The following SYNE2 variants were observed in gnomAD, a reference collection of about 807,000 sequenced individuals.
SYNE2 encodes the protein spectrin repeat containing nuclear envelope protein 2, also known as nesprin-2.
A neutral mutation model predicts 856.3 loss-of-function variants in SYNE2; 431 were observed. The observed-to-expected ratio is 0.50, with a 90% CI of 0.47 to 0.55. SYNE2 has a LOEUF of 0.55. Ranked by LOEUF, SYNE2 falls within the 20% of genes least tolerant of loss-of-function variation. The pLI, the probability that SYNE2 is intolerant of heterozygous loss-of-function variation, is 0.00. For missense variants in SYNE2, 8,129 were observed against 8,023.2 expected (o/e 1.01, Z -0.50); for synonymous variants, 2,923 against 2,872.3 (o/e 1.02, Z -0.56).
intron 87 of SYNE2, among the ~76,000 whole-genome samples, 165 bp downstream of exon 87, chr14:64,159,607 A>G (rs960509758): frequency 2.6e-5 from 4 of 152,168 alleles, no homozygotes; most frequent in African/African-American, 4.8e-5. Flanking sequence ...GTAAGATTCT[A>G]TGTCATGAGG....
chr14:64,036,817 A>C (rs1381251590), intron 45 of SYNE2, among the ~76,000 whole-genome samples: 33 of 152,200 alleles, frequency 2.2e-4, no homozygotes, highest in Non-Finnish European at 2.9e-5. Flanking sequence ...TCATCTGTAC[A>C]TCTACTCAGT....
intron 113 of SYNE2, among the ~76,000 whole-genome samples, chr14:64,224,128 T>TA (rs1357254359): frequency 8.6e-5 from 12 of 139,526 alleles, no homozygotes; most frequent in Admixed American, 4.6e-4. Flanking sequence ...GTGGATCACT[T>TA]AAGTCCAGGA....
rs1428818552 is a variant in SYNE2 at position 64,053,630 on chromosome 14, G to T, written c.9717G>T (p.Gln3239His). The T allele has an allele frequency of 6.8e-6, 11 of 1,613,238 alleles. No individual in the cohort carries two copies. The highest frequency in any genetic ancestry group is 3.3e-5 in the Admixed American group (2 of 59,898). Residue 3239 changes from glutamine (Q) to histidine (H), a missense_variant, in exon 48 of 116, where the codon CAG becomes CAT. Around this residue, in one of 3 missense-constraint regions of SYNE2, gnomAD observed 5,410 missense variants for 5,284.8 expected, o/e 1.02. Coordinates refer to ENST00000555002, the MANE Select transcript of SYNE2 (RefSeq NM_182914.3). ...GTGAGTTTGAAGATCTTCAGATGCA[G>T]CTTAACACAAGCATTGATTTGCGCA... ...KLREFEDLQM[Q>H]LNTSIDLRTN...
Position 64,080,023 on chromosome 14 carries a change from T to G in SYNE2, c.11164-433T>G, listed in dbSNP as rs553560841. Among the ~76,000 whole-genome samples the G allele has an allele frequency of 2.0e-5, 3 of 152,010 alleles. No individual in the cohort carries two copies. In the East Asian group the frequency reaches 5.8e-4, roughly 29 times the overall value. On this transcript the variant is annotated intron_variant, in intron 55 of 115. Transcript: ENST00000555002. The stretch of plus-strand genomic sequence containing the variant: ...CTTTGTTTTATTTTTTCACTTGAAA[T>G]TATTTTGTAGATTAAGAGAGCGTGT...
At chr14:64,122,651 A>G in intron 70 of SYNE2, 1 of 632,482 alleles carries the variant, frequency 1.6e-6, no homozygotes, top group Non-Finnish European at 2.8e-6. Context: ...TATAACAACT[A>G]TCCGCCTGTT....
intron 70 of SYNE2, among the ~76,000 whole-genome samples, 180 bp from the exon 71 acceptor site, chr14:64,124,899 A>G (rs2097926695): frequency 6.6e-6 from 1 of 152,192 alleles, no homozygotes; most frequent in Non-Finnish European, 1.5e-5. Flanking sequence ...GCTACTCGGG[A>G]GGCTGAGGTA....
intron 108 of SYNE2, among the ~76,000 whole-genome samples, chr14:64,216,911 G>A (rs1258424056): frequency 6.6e-6 from 1 of 152,156 alleles, no homozygotes; most frequent in African/African-American, 2.4e-5. Context: ...TTTTAGTAGA[G>A]ATGGGGGTTT....
At chr14:64,024,872 T>G (rs1230165459) in intron 39 of SYNE2, 40 bp from the exon 40 acceptor site, 1 of 1,611,850 alleles carries the variant, frequency 6.2e-7, no homozygotes, top group South Asian at 1.1e-5. Context: ...TAAACACTTT[T>G]TGCTTATTTT....
At chr14:63,928,222 C>G (rs1303913420) in intron 2 of SYNE2, among the ~76,000 whole-genome samples, 1 of 152,054 alleles carries the variant, frequency 6.6e-6, no homozygotes, top group Non-Finnish European at 1.5e-5. Flanking sequence ...GGAACATGGG[C>G]AAGGACTGGA....
At chr14:63,828,607 T>C (rs916231873) in intron 1 of SYNE2, among the ~76,000 whole-genome samples, 3 of 152,100 alleles carry the variant, frequency 2.0e-5, no homozygotes, top group African/African-American at 4.8e-5. Flanking sequence ...GACCCCCGTC[T>C]ACCTCAAAAA....
rs60498158 is a variant in SYNE2, at chr14:63,973,631, CAAAAA to C, written c.1129-2914_1129-2910del. 1.5e-4 allele frequency among the ~76,000 whole-genome samples: 10 copies of C among 67,786 alleles called. No individual in the cohort carries two copies. In the South Asian group the frequency reaches 5.8e-3, roughly 39 times the overall value. The allele number at this position is 67,786 out of a possible 152,430, so 44.5% of individuals were successfully genotyped here. ...TGGGTAACACACCGAGAGTCCATCT[CAAAAA>C]AAAAAAAAAAAAAAAAAGGTTGTAG... is the stretch of plus-strand genomic sequence containing the variant. On this transcript the variant is annotated intron_variant, in intron 11 of 115. Coordinates refer to ENST00000555002, the MANE Select transcript of SYNE2 (RefSeq NM_182914.3).
chr14:64,087,750 T>C lies in SYNE2; in HGVS notation c.11564T>C (p.Phe3855Ser), dbSNP rs2097574912. 20 of 1,614,180 alleles carry C rather than the reference T, an allele frequency of 1.2e-5. No homozygotes were observed. Among genetic ancestry groups the C allele is most frequent in the Non-Finnish European group, 1.6e-5 (19 of 1,180,014 alleles). The change falls in exon 58 of 116, where the codon TTT becomes TCT. Residue 3855 changes from phenylalanine (F) to serine (S), a missense_variant. Phe to Ser is a radical substitution (Grantham distance 155). Around this residue, in one of 3 missense-constraint regions of SYNE2, gnomAD observed 5,410 missense variants for 5,284.8 expected, o/e 1.02. Transcript: ENST00000555002. ...FMDLEDLSIIFETDELTQSIQ... is the reference protein window; with the variant it reads ...FMDLEDLSIISETDELTQSIQ... ...GATCTAGAAGACCTGTCAATAATTT[T>C]TGAAACAGATGAATTAACCCAATCC...
At chr14:63,856,998 G>T in intron 1 of SYNE2, among the ~76,000 whole-genome samples, 1 of 152,040 alleles carries the variant, frequency 6.6e-6, no homozygotes, top group Non-Finnish European at 1.5e-5. Flanking sequence ...TCCAACTCCT[G>T]GCCTCAAGTG....
At position 64,052,298 on chromosome 14, in the gene SYNE2, C is replaced by G; in HGVS notation, c.8385C>G (p.Ser2795Arg). The stretch of plus-strand genomic sequence containing the variant: ...AAGAGGTCAAAGATAAGGTTCCTAG[C>G]CTTACAACCTATGAGGGCAGTGATT... ...LAEEVKDKVP[S>R]LTTYEGSDLN... The change falls in exon 48 of 116, where the codon AGC becomes AGG. Residue 2795 changes from serine to arginine, a missense_variant. Physicochemically the swap from Ser to Arg is moderately radical, Grantham distance 110. Coordinates refer to ENST00000555002, the MANE Select transcript of SYNE2 (RefSeq NM_182914.3). 1 of 1,614,166 alleles carries G rather than the reference C, an allele frequency of 6.2e-7. No individual in the cohort carries two copies. The highest frequency in any genetic ancestry group is 8.5e-7 in the Non-Finnish European group (1 of 1,180,026).
chr14:64,126,699 C>G lies in SYNE2; in HGVS notation c.13809C>G (p.Leu4603=). The change falls in exon 73 of 116, where the codon CTC becomes CTG. Residue 4603 remains leucine, a synonymous_variant. Transcript: ENST00000555002. The part of the protein sequence containing the change: ...MTWPGENTNL[L]LECFDNLQVC... The stretch of plus-strand genomic sequence containing the variant: ...GGCCTGGCGAGAACACCAACTTGCT[C>G]CTTGAATGTTTTGACAACCTTCAAG... 6.2e-7 allele frequency: 1 copy of G among 1,614,188 alleles called. No individual in the cohort carries two copies. The highest frequency in any genetic ancestry group is 8.5e-7 in the Non-Finnish European group (1 of 1,180,032).
chr14:64,157,415 C>T (rs1009202846), intron 85 of SYNE2, among the ~76,000 whole-genome samples: 1 of 152,126 alleles, frequency 6.6e-6, no homozygotes, highest in Non-Finnish European at 1.5e-5. Flanking sequence ...GTAGTATTTA[C>T]AGTACTTCAT....
At position 64,031,287 on chromosome 14, in the gene SYNE2, C is replaced by A. The variant is rs759415502; in HGVS notation, c.7151C>A (p.Ser2384Tyr). 4.9e-5 allele frequency: 79 copies of A among 1,614,016 alleles called. No homozygotes were observed. The highest frequency in any genetic ancestry group is 4.8e-5 in the Non-Finnish European group (57 of 1,180,032). Residue 2384 changes from serine to tyrosine, a missense_variant, in exon 45 of 116, where the codon TCT (serine) becomes TAT (tyrosine). Physicochemically the swap from Ser to Tyr is moderately radical, Grantham distance 144. Coordinates refer to ENST00000555002, the MANE Select transcript of SYNE2 (RefSeq NM_182914.3). ...TLPGREKQAT[S>Y]DVQESTQESA... ...CCAGGCAGAGAGAAGCAGGCCACTT[C>A]TGATGTGCAGGAGTCTACTCAGGAA...
At chr14:64,186,682 C>G in intron 97 of SYNE2, 103 bp downstream of exon 97, 4 of 1,512,094 alleles carry the variant, frequency 2.6e-6, no homozygotes, top group Non-Finnish European at 3.7e-6. Context: ...AACCGGAGGC[C>G]CTTTTCAGTG....
chr14:63,788,367 C>G (rs1282567615), intron 1 of SYNE2, among the ~76,000 whole-genome samples: 1 of 152,278 alleles, frequency 6.6e-6, no homozygotes, highest in African/African-American at 2.4e-5. Context: ...AGGGGCAGAG[C>G]TTCTGCTTAT....
Sources: gnomAD v4.1 joint callset for allele counts (sites outside exome capture counted in the v4.1 genomes callset) on GRCh38, gnomAD v4.1.1 for gene constraint, gnomAD v4.1.1 regional missense constraint, MANE v1.5 for transcripts, NCBI Gene and HGNC (gene_info 2026-07-23, HGNC 2026-07-21) for gene names.